Variants in MAN1A1 observed in about 807,000 individuals in gnomAD.
MAN1A1 encodes the protein mannosidase alpha class 1A member 1.
In MAN1A1, 29 loss-of-function variants were observed where a neutral mutation model predicts 70.8. That is an observed-to-expected ratio of 0.41 (90% CI 0.31 to 0.56). The LOEUF (loss-of-function observed/expected upper bound fraction) is 0.56. Among genes scored for constraint, MAN1A1 ranks in the 20% least tolerant of loss-of-function variants. The pLI is 0.29. For synonymous variants in MAN1A1, 349 were observed against 330.1 expected (o/e 1.06, Z -0.62); for missense variants, 747 against 841.3 (o/e 0.89, Z 1.39).
chr6:119,192,978 C>T (rs17513904), intron 9 of MAN1A1, among the ~76,000 whole-genome samples: 6,668 of 152,214 alleles, frequency 0.044, 201 homozygotes, highest in East Asian at 0.082. Context: ...TAACTTACTG[C>T]TTGCAAATTA....
intron 5 of MAN1A1, among the ~76,000 whole-genome samples, chr6:119,273,677 G>A (rs1582756219): frequency 6.6e-6 from 1 of 151,802 alleles, no homozygotes; most frequent in East Asian, 1.9e-4. Context: ...TACAGCACTT[G>A]TTTTTTTTCT....
chr6:119,189,556 C>T (rs1342285280), intron 10 of MAN1A1, 108 bp downstream of exon 10: 1 of 947,000 alleles, frequency 1.1e-6, no homozygotes, highest in Non-Finnish European at 1.7e-6. Context: ...TCACGATCAT[C>T]AAGCTTCATA....
intron 6 of MAN1A1, among the ~76,000 whole-genome samples, chr6:119,216,428 G>A (rs1774205071): frequency 1.3e-5 from 2 of 152,128 alleles, no homozygotes; most frequent in African/African-American, 4.8e-5. Context: ...AATTGGATTT[G>A]GGGATAAGGG....
intron 8 of MAN1A1, among the ~76,000 whole-genome samples, chr6:119,200,740 A>G (rs929302996): frequency 2.6e-5 from 4 of 152,188 alleles, no homozygotes; most frequent in Non-Finnish European, 4.4e-5. Flanking sequence ...CCTAAAGGTA[A>G]TTCTACTGGC....
At chr6:119,221,849 T>C (rs1461798663) in intron 6 of MAN1A1, among the ~76,000 whole-genome samples, 1 of 152,194 alleles carries the variant, frequency 6.6e-6, no homozygotes, top group Non-Finnish European at 1.5e-5. Flanking sequence ...AATTTACTCA[T>C]ATACCCACCA....
chr6:119,261,098 C>T (rs886595387), intron 5 of MAN1A1, among the ~76,000 whole-genome samples: 23 of 150,822 alleles, frequency 1.5e-4, no homozygotes, highest in Admixed American at 2.0e-4. Context: ...TCTGCCTCAG[C>T]CACCTGAGCA....
intron 2 of MAN1A1, among the ~76,000 whole-genome samples, chr6:119,315,509 C>A (rs1293307663): frequency 6.6e-6 from 1 of 152,148 alleles, no homozygotes; most frequent in Non-Finnish European, 1.5e-5. Context: ...GGATCATATG[C>A]ATTTAATGGT....
intron 11 of MAN1A1, among the ~76,000 whole-genome samples, chr6:119,185,743 A>AT (rs971526881): frequency 5.3e-5 from 8 of 150,208 alleles, no homozygotes; most frequent in South Asian, 2.1e-4. Flanking sequence ...CGCCTGGTTA[A>AT]TTTTTTTTTG....
At chr6:119,246,552 G>A (rs990687559) in intron 6 of MAN1A1, among the ~76,000 whole-genome samples, 3 of 152,128 alleles carry the variant, frequency 2.0e-5, no homozygotes, top group African/African-American at 7.2e-5. Context: ...TCGAGTAGCT[G>A]TAAAGACCTA....
At chr6:119,276,351 CTTTGTCTAA>C (rs1776064593) in intron 5 of MAN1A1, among the ~76,000 whole-genome samples, 1 of 152,164 alleles carries the variant, frequency 6.6e-6, no homozygotes, top group South Asian at 2.1e-4. Flanking sequence ...AAAGCAGAAA[CTTTGTCTAA>C]TTTGTTCACT....
chr6:119,228,290 T>C (rs1185111039), intron 6 of MAN1A1, among the ~76,000 whole-genome samples: 2 of 152,206 alleles, frequency 1.3e-5, no homozygotes, highest in East Asian at 1.9e-4. Flanking sequence ...CCAACCCTAG[T>C]GGTATTTCAT....
At chr6:119,227,537 G>T (rs2114272048) in intron 6 of MAN1A1, among the ~76,000 whole-genome samples, 1 of 152,294 alleles carries the variant, frequency 6.6e-6, no homozygotes. Context: ...AAGTGCAGTG[G>T]TGTAATAATG....
At chr6:119,254,153 G>A (rs1468669672) in intron 5 of MAN1A1, among the ~76,000 whole-genome samples, 1 of 152,138 alleles carries the variant, frequency 6.6e-6, no homozygotes, top group Non-Finnish European at 1.5e-5. Context: ...ATTCTAAAGG[G>A]CAATTAAGTT....
rs891687856 is a variant in MAN1A1, at chr6:119,214,785, C to G, written c.993-9903G>C. 2.0e-5 allele frequency among the ~76,000 whole-genome samples: 3 copies of G among 152,280 alleles called. No individual in the cohort carries two copies. In the East Asian group the frequency reaches 5.8e-4, roughly 29 times the overall value. Reference sequence around the variant, plus strand: ...CCTCCCAAAGTGCTGAGATTACAGGCATGAACTACCACACTTGGCCCACTA... The same window carrying G: ...CCTCCCAAAGTGCTGAGATTACAGGGATGAACTACCACACTTGGCCCACTA... On this transcript the variant is annotated intron_variant, in intron 6 of 12. Transcript: ENST00000368468.
chr6:119,300,782 T>G (rs1013511777), intron 4 of MAN1A1, among the ~76,000 whole-genome samples: 1 of 152,194 alleles, frequency 6.6e-6, no homozygotes, highest in Non-Finnish European at 1.5e-5. Context: ...GATCGGAATA[T>G]TCTCTCCTTT....
rs752036997 is a variant in MAN1A1, at chr6:119,192,104, G to C, written c.1326+1673C>G. Among the ~76,000 whole-genome samples the C allele has an allele frequency of 6.9e-4, 105 of 152,162 alleles. 1 individual carries two copies. Among genetic ancestry groups the C allele is most frequent in the Admixed American group, 2.9e-3 (45 of 15,276 alleles). ...AATACAATATACTAAAAGTTGTGTG[G>C]GTATGGTTTTAGGAATTAGGAAGAA... On this transcript the variant is annotated intron_variant, in intron 9 of 12. Coordinates refer to ENST00000368468, the MANE Select transcript of MAN1A1 (RefSeq NM_005907.4).
intron 4 of MAN1A1, among the ~76,000 whole-genome samples, chr6:119,297,063 G>T (rs1015394269): frequency 4.6e-5 from 7 of 152,192 alleles, no homozygotes; most frequent in Non-Finnish European, 8.8e-5. Flanking sequence ...CTCATGTGAG[G>T]TTCTAGGTAA....
At chr6:119,271,504 C>CT (rs1160948184) in intron 5 of MAN1A1, among the ~76,000 whole-genome samples, 259 of 144,598 alleles carry the variant, frequency 1.8e-3, no homozygotes, top group Middle Eastern at 3.6e-3. Context: ...GTAGCCCCAT[C>CT]TTTTTTTTTT....
intron 5 of MAN1A1, among the ~76,000 whole-genome samples, chr6:119,281,634 T>A (rs930939850): frequency 1.2e-4 from 18 of 152,230 alleles, no homozygotes; most frequent in Non-Finnish European, 2.1e-4. Context: ...GCTGTCTTAA[T>A]CCACTGAGAT....
Sources: allele counts gnomAD v4.1 joint callset (sites outside exome capture counted in the v4.1 genomes callset), GRCh38; gene constraint gnomAD v4.1.1; transcripts MANE v1.5; gene names NCBI Gene and HGNC (gene_info 2026-07-23, HGNC 2026-07-21).